The following CDC20B variants were observed in gnomAD, a reference collection of about 807,000 sequenced individuals.
CDC20B encodes the protein cell division cycle protein 20 homolog B.
A neutral mutation model predicts 64.1 loss-of-function variants in CDC20B; 58 were observed. That is an observed-to-expected ratio of 0.90 (90% CI 0.73 to 1.13). The LOEUF (loss-of-function observed/expected upper bound fraction) is 1.13. CDC20B is among the 50% of genes most tolerant of loss of function. The pLI is 0.00. For synonymous variants in CDC20B, 243 were observed against 230.6 expected (o/e 1.05, Z -0.49); for missense variants, 597 against 633.0 (o/e 0.94, Z 0.61).
At chr5:55,127,424 A>G (rs1019138125) in intron 7 of CDC20B, 73 bp from the exon 8 acceptor site, 2 of 1,142,850 alleles carry the variant, frequency 1.8e-6, no homozygotes, top group East Asian at 2.3e-5. Context: ...AAGGCCTGAG[A>G]GCCAATTACT....
intron 2 of CDC20B, among the ~76,000 whole-genome samples, chr5:55,158,984 TA>T (rs1172140894): frequency 6.6e-6 from 1 of 152,202 alleles, no homozygotes; most frequent in Non-Finnish European, 1.5e-5. Context: ...GTTAAATTAC[TA>T]CTTTATTATC....
intron 2 of CDC20B, among the ~76,000 whole-genome samples, chr5:55,151,647 G>A (rs893853068): frequency 6.6e-6 from 1 of 152,160 alleles, no homozygotes; most frequent in Non-Finnish European, 1.5e-5. Context: ...GCCTTAGCAG[G>A]TCTGAGTTTC....
intron 5 of CDC20B, among the ~76,000 whole-genome samples, chr5:55,135,149 T>A (rs1334072683): frequency 6.6e-6 from 1 of 152,074 alleles, no homozygotes; most frequent in Non-Finnish European, 1.5e-5. Flanking sequence ...TGACAAGGGA[T>A]ATAAGGGAAC....
chr5:55,128,024 C>A (rs915036329), intron 7 of CDC20B, among the ~76,000 whole-genome samples: 1 of 151,960 alleles, frequency 6.6e-6, no homozygotes, highest in Non-Finnish European at 1.5e-5. Flanking sequence ...TGATAAATCC[C>A]CATCTCAAGG....
At chr5:55,161,114 A>T in intron 2 of CDC20B, 1 of 1,614,128 alleles carries the variant, frequency 6.2e-7, no homozygotes, top group South Asian at 1.1e-5. Flanking sequence ...TTTTCCCTGC[A>T]ATCAGTTTGG....
intron 2 of CDC20B, among the ~76,000 whole-genome samples, chr5:55,152,705 AG>A (rs1743700819): frequency 6.6e-6 from 1 of 152,326 alleles, no homozygotes; most frequent in African/African-American, 2.4e-5. Flanking sequence ...TATGCTAAAA[AG>A]CAGGTCTGCT....
At chr5:55,131,613 A>C (rs890002166) in intron 6 of CDC20B, among the ~76,000 whole-genome samples, 4 of 152,234 alleles carry the variant, frequency 2.6e-5, no homozygotes, top group Admixed American at 1.3e-4. Context: ...TGGCTATAAC[A>C]ATGAGGAGTT....
intron 2 of CDC20B, among the ~76,000 whole-genome samples, chr5:55,149,436 G>A (rs1743597070): frequency 6.6e-6 from 1 of 152,104 alleles, no homozygotes; most frequent in African/African-American, 2.4e-5. Context: ...CAATAAGAAG[G>A]TGCAGACAAC....
intron 4 of CDC20B, among the ~76,000 whole-genome samples, chr5:55,143,003 A>C (rs1218847197): frequency 3.9e-5 from 6 of 152,170 alleles, no homozygotes; most frequent in Non-Finnish European, 8.8e-5. Context: ...AGATCTTAAA[A>C]CTATAATAAA....
intron 9 of CDC20B, among the ~76,000 whole-genome samples, chr5:55,123,624 G>A (rs1449143655): frequency 1.3e-5 from 2 of 152,092 alleles, no homozygotes; most frequent in Admixed American, 6.5e-5. Context: ...TCTGGTTTCC[G>A]GAGACTCTCT....
chr5:55,156,242 T>G (rs1743805755), intron 2 of CDC20B, among the ~76,000 whole-genome samples: 1 of 152,146 alleles, frequency 6.6e-6, no homozygotes, highest in Admixed American at 6.6e-5. Flanking sequence ...GTTATCTCCA[T>G]CTGGCCCCAC....
At chr5:55,143,813 T>C (rs1052682955) in intron 3 of CDC20B, among the ~76,000 whole-genome samples, 170 bp from the exon 4 acceptor site, 1 of 151,954 alleles carries the variant, frequency 6.6e-6, no homozygotes, top group Non-Finnish European at 1.5e-5. Flanking sequence ...GCCCAGGCTC[T>C]CGTCGCTCCA....
At chr5:55,137,176 C>CA (rs56678420) in intron 5 of CDC20B, 81 of 114,404 alleles carry the variant, frequency 7.1e-4, no homozygotes, top group East Asian at 9.6e-4. Context: ...GACTCTGTCT[C>CA]AAAAAAAAAA....
At chr5:55,138,722 C>A (rs1423986610) in intron 5 of CDC20B, among the ~76,000 whole-genome samples, 2 of 143,056 alleles carry the variant, frequency 1.4e-5, no homozygotes, top group African/African-American at 2.5e-5. Flanking sequence ...GAAGCATGAA[C>A]AGGATGCTGT....
intron 4 of CDC20B, 63 bp from the exon 5 acceptor site, chr5:55,140,470 A>C: frequency 9.1e-7 from 1 of 1,099,058 alleles, no homozygotes; most frequent in Admixed American, 1.9e-5. Context: ...ACTAAAATGT[A>C]ATGTATAATA....
chr5:55,162,353 C>T (rs1443702229), intron 2 of CDC20B, among the ~76,000 whole-genome samples: 12 of 152,296 alleles, frequency 7.9e-5, no homozygotes, highest in Middle Eastern at 3.4e-3. Flanking sequence ...TGAAATCGCG[C>T]TACTGCACTC....
chr5:55,138,206 G>A (rs1045588177), intron 5 of CDC20B, among the ~76,000 whole-genome samples: 11 of 149,508 alleles, frequency 7.4e-5, no homozygotes, highest in African/African-American at 2.7e-4. Context: ...TGTCGCCCAG[G>A]CTGGAGTGCA....
intron 2 of CDC20B, among the ~76,000 whole-genome samples, chr5:55,167,577 G>C (rs1744456074): frequency 6.6e-6 from 1 of 152,130 alleles, no homozygotes; most frequent in African/African-American, 2.4e-5. Flanking sequence ...GTGATAATTG[G>C]TGATGGGCAT....
At chr5:55,161,181 G>C in intron 2 of CDC20B, 2 of 1,614,168 alleles carry the variant, frequency 1.2e-6, no homozygotes, top group South Asian at 1.1e-5. Flanking sequence ...AAAAACTACG[G>C]AGTAACTTTC....
Sources: allele counts gnomAD v4.1 joint callset (sites outside exome capture counted in the v4.1 genomes callset), GRCh38; gene constraint gnomAD v4.1.1; transcripts MANE v1.5; gene names NCBI Gene and HGNC (gene_info 2026-07-23, HGNC 2026-07-21).